Variants in GPHN observed in about 807,000 individuals in gnomAD.
GPHN encodes gephyrin.
Under a neutral mutation model 95.5 loss-of-function variants are expected in GPHN, and 17 were observed. The ratio of observed to expected loss-of-function variants is 0.18; its 90% CI spans 0.12 to 0.27. GPHN has a LOEUF of 0.27. GPHN is among the 10% of genes least tolerant of loss of function. The pLI, the probability that GPHN is intolerant of heterozygous loss-of-function variation, is 1.00. For synonymous variants in GPHN, 320 were observed against 322.5 expected, an observed-to-expected ratio of 0.99 and a Z score of 0.08; for missense variants, 660 against 978.1, an observed-to-expected ratio of 0.67 and a Z score of 4.34.
chr14:67,008,909 G>C (rs1253339706), intron 9 of GPHN, among the ~76,000 whole-genome samples: 1 of 152,136 alleles, frequency 6.6e-6, no homozygotes, highest in Non-Finnish European at 1.5e-5. Flanking sequence ...GACAGTTCCA[G>C]ATCAGGGGTT....
chr14:67,660,988 C>CT, the GPHN span, among the ~76,000 whole-genome samples: 4 of 152,266 alleles, frequency 2.6e-5, no homozygotes, highest in East Asian at 7.7e-4. Flanking sequence ...GTGGCCTGGT[C>CT]TTTCTTAAAA....
At chr14:67,003,691 A>C (rs1264610595) in intron 9 of GPHN, among the ~76,000 whole-genome samples, 1 of 151,740 alleles carries the variant, frequency 6.6e-6, no homozygotes, top group Non-Finnish European at 1.5e-5. Flanking sequence ...GTATGCCAAT[A>C]TCATTAAATT....
intron 1 of GPHN, among the ~76,000 whole-genome samples, chr14:66,611,457 C>T (rs1273366060): frequency 6.6e-6 from 1 of 152,112 alleles, no homozygotes; most frequent in African/African-American, 2.4e-5. Flanking sequence ...ATTTGGAGTA[C>T]TTTGTGGTAA....
chr14:67,557,227 G>T, the GPHN span: 2 of 1,590,202 alleles, frequency 1.3e-6, no homozygotes, highest in Non-Finnish European at 1.7e-6. Flanking sequence ...CACACCCCGT[G>T]TGAGTGATGG....
intron 20 of GPHN, among the ~76,000 whole-genome samples, chr14:67,167,918 C>T (rs554068681): frequency 3.0e-4 from 45 of 152,294 alleles, no homozygotes; most frequent in African/African-American, 1.1e-3. Context: ...TTGTTTGCTT[C>T]TTCACAGCCC....
intron 2 of GPHN, among the ~76,000 whole-genome samples, chr14:66,707,907 A>G (rs74873054): frequency 6.6e-6 from 1 of 152,130 alleles, no homozygotes; most frequent in African/African-American, 2.4e-5. Flanking sequence ...CAGTTTAAAC[A>G]TTTATCATTT....
At chr14:67,691,295 A>G in the GPHN span, 1 of 1,308,520 alleles carries the variant, frequency 7.6e-7, no homozygotes, top group East Asian at 2.3e-5. Context: ...AGGCTATTAC[A>G]TCTTAGAAAG....
chr14:67,203,813 G>A, the GPHN span, among the ~76,000 whole-genome samples: 1 of 152,296 alleles, frequency 6.6e-6, no homozygotes, highest in East Asian at 1.9e-4. Flanking sequence ...CCCAGTTCAA[G>A]CGATTCTCCT....
At chr14:66,591,467 A>T (rs540185606) in intron 1 of GPHN, among the ~76,000 whole-genome samples, 1 of 152,366 alleles carries the variant, frequency 6.6e-6, no homozygotes, top group South Asian at 2.1e-4. Flanking sequence ...CTCTCAGGAT[A>T]CAAAATCAAT....
At chr14:66,727,042 T>G (rs570210753) in intron 2 of GPHN, among the ~76,000 whole-genome samples, 2 of 152,318 alleles carry the variant, frequency 1.3e-5, no homozygotes, top group Admixed American at 1.3e-4. Flanking sequence ...AGGAACCTGG[T>G]GAGACATAAT....
the GPHN span, among the ~76,000 whole-genome samples, chr14:67,371,173 C>T: frequency 1.3e-5 from 2 of 151,892 alleles, no homozygotes; most frequent in Non-Finnish European, 2.9e-5. Context: ...CCAGCAATTT[C>T]GGATGCTGAG....
chr14:66,912,177 C>T (rs904435411), intron 5 of GPHN, among the ~76,000 whole-genome samples: 4 of 152,172 alleles, frequency 2.6e-5, no homozygotes, highest in Admixed American at 2.6e-4. Context: ...CATCAGCTTC[C>T]ACCCACACTT....
At chr14:67,343,934 T>C in the GPHN span, among the ~76,000 whole-genome samples, 1 of 152,352 alleles carries the variant, frequency 6.6e-6, no homozygotes. Flanking sequence ...ATAACCTACA[T>C]GTCACATTTG....
chr14:67,700,105 A>G, the GPHN span, among the ~76,000 whole-genome samples: 1 of 152,034 alleles, frequency 6.6e-6, no homozygotes, highest in Non-Finnish European at 1.5e-5. Flanking sequence ...ATGCCACTGT[A>G]CTGCAGCCTG....
At chr14:66,927,309 A>G (rs2066530894) in intron 8 of GPHN, among the ~76,000 whole-genome samples, 1 of 151,092 alleles carries the variant, frequency 6.6e-6, no homozygotes, top group African/African-American at 2.4e-5. Flanking sequence ...AGATCGTGCC[A>G]CTGCACTTCA....
the GPHN span, chr14:67,562,987 G>A: frequency 7.6e-7 from 1 of 1,320,282 alleles, no homozygotes; most frequent in Non-Finnish European, 1.0e-6. Flanking sequence ...AGGAGAGGAG[G>A]CTGCTGGCAT....
chr14:67,262,117 A>G, the GPHN span, among the ~76,000 whole-genome samples: 1,839 of 152,274 alleles, frequency 0.012, 19 homozygotes, highest in Non-Finnish European at 0.018. Flanking sequence ...TGGAAAACAG[A>G]TATCTGACCT....
At chr14:67,679,910 CTCAG>C in the GPHN span, among the ~76,000 whole-genome samples, 3 of 152,154 alleles carry the variant, frequency 2.0e-5, no homozygotes, top group African/African-American at 7.2e-5. Context: ...AAATTGCTTC[CTCAG>C]TATCTAAGCA....
chr14:67,565,941 G>A, the GPHN span, among the ~76,000 whole-genome samples: 4 of 152,216 alleles, frequency 2.6e-5, no homozygotes, highest in Non-Finnish European at 4.4e-5. Context: ...CCAACATGGC[G>A]AAACCCCATC....
Sources: allele counts gnomAD v4.1 joint callset (sites outside exome capture counted in the v4.1 genomes callset), GRCh38; gene constraint gnomAD v4.1.1; transcripts MANE v1.5; gene names NCBI Gene and HGNC (gene_info 2026-07-23, HGNC 2026-07-21).